The following DENND4A variants were observed in gnomAD, a reference collection of about 807,000 sequenced individuals.
The protein encoded by DENND4A is DENN domain containing 4A, also known as C-myc promoter-binding protein.
A neutral mutation model predicts 199.3 loss-of-function variants in DENND4A; 70 were observed. The ratio of observed to expected loss-of-function variants is 0.35; its 90% CI spans 0.29 to 0.43. DENND4A has a LOEUF of 0.43. Among genes scored for constraint, DENND4A ranks in the 20% least tolerant of loss-of-function variants. The probability of loss-of-function intolerance (pLI) is 1.00; values close to 1 mark genes in which losing one functional copy is unlikely to be tolerated. For missense variants in DENND4A, 1,723 were observed against 2,255.8 expected (o/e 0.76, Z 4.78); for synonymous variants, 686 against 766.9 (o/e 0.89, Z 1.74).
chr15:65,667,703 C>T lies in DENND4A; in HGVS notation c.4987G>A (p.Asp1663Asn). The T allele has an allele frequency of 6.2e-7, 1 of 1,601,512 alleles. No homozygotes were observed. The highest frequency in any genetic ancestry group is 8.5e-7 in the Non-Finnish European group (1 of 1,176,174). ...SLPATLQGAT[D>N]SLGLEWHLPS... ...AGGTGCCATTCTAAACCTAAAGAATCCTGTTGAATAAATAAAAACCATAAA... is the reference window on the plus strand; with the variant it reads ...AGGTGCCATTCTAAACCTAAAGAATTCTGTTGAATAAATAAAAACCATAAA... Residue 1663 changes from aspartate to asparagine, a missense_variant and splice_region_variant, in exon 29 of 33, where the codon GAT becomes AAT. Coordinates refer to ENST00000443035, the MANE Select transcript of DENND4A (RefSeq NM_001320835.1).
chr15:65,685,256 A>T (rs1381303442), intron 23 of DENND4A, among the ~76,000 whole-genome samples: 1 of 152,046 alleles, frequency 6.6e-6, no homozygotes, highest in Non-Finnish European at 1.5e-5. Context: ...CCTCCCGAGT[A>T]GCTGGGACTA....
intron 23 of DENND4A, among the ~76,000 whole-genome samples, chr15:65,684,156 C>T (rs1412756637): frequency 2.0e-5 from 3 of 152,094 alleles, no homozygotes; most frequent in East Asian, 1.9e-4. Flanking sequence ...CACTTTTTGG[C>T]TTTTATGAAC....
At chr15:65,669,297 C>T (rs982766428) in intron 27 of DENND4A, among the ~76,000 whole-genome samples, 2 of 152,178 alleles carry the variant, frequency 1.3e-5, no homozygotes, top group Non-Finnish European at 2.9e-5. Context: ...ATTTCTGCAT[C>T]AGTTTTAAGT....
chr15:65,685,885 A>G (rs544737347), intron 23 of DENND4A, among the ~76,000 whole-genome samples: 1 of 151,980 alleles, frequency 6.6e-6, no homozygotes, highest in African/African-American at 2.4e-5. Context: ...TCTCTCATCT[A>G]TTCATCTCTG....
At chr15:65,691,803 A>G (rs1296652033) in intron 22 of DENND4A, among the ~76,000 whole-genome samples, 9 of 152,038 alleles carry the variant, frequency 5.9e-5, no homozygotes, top group Non-Finnish European at 1.2e-4. Flanking sequence ...CCAATTATAA[A>G]GGGTATGCTC....
Position 65,722,967 on chromosome 15 carries a change from A to G in DENND4A, c.1488-19T>C, listed in dbSNP as rs2140323272. On this transcript the variant is annotated intron_variant, in intron 11 of 32. Coordinates refer to ENST00000443035, the MANE Select transcript of DENND4A (RefSeq NM_001320835.1). ...ACCAATTCTAAGATTAAATAACAAC[A>G]GGAATATATTTGTTACATGGTCTTT... is the stretch of plus-strand genomic sequence containing the variant. The G allele has an allele frequency of 6.3e-7, 1 of 1,575,262 alleles. No individual in the cohort carries two copies. The highest frequency in any genetic ancestry group is 8.6e-7 in the Non-Finnish European group (1 of 1,156,500).
chr15:65,782,708 C>A (rs2077464417), intron 1 of DENND4A, among the ~76,000 whole-genome samples: 1 of 152,074 alleles, frequency 6.6e-6, no homozygotes, highest in African/African-American at 2.4e-5. Context: ...TCATAGACTT[C>A]TTGGGGGAGT....
At chr15:65,667,410 A>G (rs1451209672) in intron 29 of DENND4A, 39 bp downstream of exon 29, 3 of 1,593,424 alleles carry the variant, frequency 1.9e-6, no homozygotes, top group Non-Finnish European at 2.6e-6. Flanking sequence ...TACAATGGTA[A>G]CAGAAGCATT....
intron 4 of DENND4A, among the ~76,000 whole-genome samples, chr15:65,746,572 G>C (rs1395486375): frequency 6.6e-6 from 1 of 150,710 alleles, no homozygotes; most frequent in African/African-American, 2.4e-5. Context: ...TTTTAGTAGA[G>C]ACAGGGTTTC....
chr15:65,702,769 T>C lies in DENND4A; in HGVS notation c.2223+104A>G, dbSNP rs575765435. On this transcript the variant is annotated intron_variant, in intron 16 of 32. Transcript: ENST00000443035. ...CAGTGCTTTGGTGAACATAATAATC[T>C]AGTAATAGTTATATATGAAGTGATA... The C allele has an allele frequency of 6.4e-5, 72 of 1,133,106 alleles. No individual in the cohort carries two copies. In the South Asian group the frequency reaches 9.9e-4, roughly 16 times the overall value. The allele number at this position is 1,133,106 out of a possible 1,614,324, so 70.2% of individuals were successfully genotyped here. A position where few individuals can be genotyped will look rare whatever the true frequency, so the allele number is the denominator to read the frequency against.
Position 65,697,197 on chromosome 15 carries a change from T to C in DENND4A, c.2950+70A>G, listed in dbSNP as rs150021578. ...ATGGAAAGTAAAACCAGCACTTTTA[T>C]AAAATCACCTGCATTTTCTATGAAT... is the stretch of plus-strand genomic sequence containing the variant. On this transcript the variant is annotated intron_variant, in intron 21 of 32. Coordinates refer to ENST00000443035, the MANE Select transcript of DENND4A (RefSeq NM_001320835.1). The C allele has an allele frequency of 7.2e-4, 722 of 1,009,632 alleles. 9 individuals are homozygous for C. In the East Asian group the frequency reaches 0.017, roughly 24 times the overall value. 62.5% of individuals were successfully genotyped at this position (1,009,632 alleles called of 1,614,324 possible).
intron 15 of DENND4A, among the ~76,000 whole-genome samples, chr15:65,704,731 C>G (rs1462177369): frequency 2.0e-5 from 3 of 152,086 alleles, no homozygotes; most frequent in Non-Finnish European, 4.4e-5. Context: ...GCTGGGATTA[C>G]AGGCACCTGC....
At chr15:65,666,909 C>T (rs866861146) in intron 29 of DENND4A, among the ~76,000 whole-genome samples, 6 of 151,420 alleles carry the variant, frequency 4.0e-5, no homozygotes, top group South Asian at 2.1e-4. Flanking sequence ...AATTCAAGTA[C>T]GTTTAATGTA....
rs1373293268 is a variant in DENND4A at position 65,725,684 on chromosome 15, A to T, written c.1488-2736T>A. 6.3e-5 allele frequency among the ~76,000 whole-genome samples: 6 copies of T among 95,718 alleles called. No individual in the cohort carries two copies. In the South Asian group the frequency reaches 1.7e-3, roughly 27 times the overall value. The allele number at this position is 95,718 out of a possible 152,430, so 62.8% of individuals were successfully genotyped here. ...AGAGTGAGACTCTGTCTCAAAAAAT[A>T]AAAATAAAAAAAATAAAAAAAAGAA... On this transcript the variant is annotated intron_variant, in intron 11 of 32. Transcript: ENST00000443035.
intron 1 of DENND4A, among the ~76,000 whole-genome samples, chr15:65,780,681 T>C (rs2077414240): frequency 1.3e-5 from 2 of 152,218 alleles, no homozygotes; most frequent in Admixed American, 1.3e-4. Context: ...TTATAATAGC[T>C]TACTTACTGA....
At chr15:65,728,487 CTTT>C (rs201253758) in intron 11 of DENND4A, among the ~76,000 whole-genome samples, 1 of 138,494 alleles carries the variant, frequency 7.2e-6, no homozygotes. Flanking sequence ...TTTTCTTTTT[CTTT>C]TTTTTTTTTT....
chr15:65,745,360 C>CTTACTAAAAAATTAAAATAAAA (rs2076361047), intron 4 of DENND4A, among the ~76,000 whole-genome samples: 1 of 151,994 alleles, frequency 6.6e-6, no homozygotes, highest in Non-Finnish European at 1.5e-5. Flanking sequence ...AATAAAAACC[C>CTTACTAAAAAATTAAAATAAAA]TTAACCTTTT....
chr15:65,734,284 G>A (rs1421223064), intron 7 of DENND4A, among the ~76,000 whole-genome samples: 2 of 152,226 alleles, frequency 1.3e-5, no homozygotes, highest in African/African-American at 4.8e-5. Context: ...GTAAAGCATT[G>A]AGATGTTTAT....
At chr15:65,714,253 AATACAAAAAAATAGCCG>A (rs2140243639) in intron 14 of DENND4A, among the ~76,000 whole-genome samples, 1 of 152,028 alleles carries the variant, frequency 6.6e-6, no homozygotes, top group South Asian at 2.1e-4. Flanking sequence ...CTACTAAAAA[AATACAAAAAAATAGCCG>A]GGCATGGTGG....
Sources: gnomAD v4.1 joint callset for allele counts (sites outside exome capture counted in the v4.1 genomes callset) on GRCh38, gnomAD v4.1.1 for gene constraint, MANE v1.5 for transcripts, NCBI Gene and HGNC (gene_info 2026-07-23, HGNC 2026-07-21) for gene names.